The following LRRC4C variants were observed in gnomAD, a reference collection of about 807,000 sequenced individuals.
LRRC4C encodes the protein leucine rich repeat containing 4C, also known as leucine-rich repeat-containing protein 4C.
In LRRC4C, 5 loss-of-function variants were observed where a neutral mutation model predicts 33.6. The observed-to-expected ratio is 0.15, with a 90% CI of 0.08 to 0.31. The LOEUF (loss-of-function observed/expected upper bound fraction) is 0.31. LRRC4C is among the 10% of genes least tolerant of loss of function. The probability of loss-of-function intolerance (pLI) is 1.00; values close to 1 mark genes in which losing one functional copy is unlikely to be tolerated. For missense variants in LRRC4C, 560 were observed against 796.7 expected, an observed-to-expected ratio of 0.70 and a Z score of 3.58; for synonymous variants, 329 against 302.0, an observed-to-expected ratio of 1.09 and a Z score of -0.93.
At chr11:40,214,343 T>C (rs1410432436) in intron 5 of LRRC4C, among the ~76,000 whole-genome samples, 8 of 152,160 alleles carry the variant, frequency 5.3e-5, no homozygotes, top group Non-Finnish European at 7.3e-5. Context: ...CTGTCTTGTC[T>C]TGTCCCTACC....
chr11:41,131,954 AC>A (rs1283378378), intron 1 of LRRC4C, among the ~76,000 whole-genome samples: 1 of 152,028 alleles, frequency 6.6e-6, no homozygotes, highest in Non-Finnish European at 1.5e-5. Flanking sequence ...GAATAATCCA[AC>A]CCTTGTTTAG....
intron 1 of LRRC4C, among the ~76,000 whole-genome samples, chr11:41,106,464 T>G (rs1213609989): frequency 6.7e-6 from 1 of 150,354 alleles, no homozygotes; most frequent in East Asian, 2.0e-4. Context: ...AAAAAAAAAC[T>G]CAGAAGCTTA....
intron 3 of LRRC4C, among the ~76,000 whole-genome samples, chr11:40,621,729 C>A (rs1013398745): frequency 4.6e-5 from 7 of 151,696 alleles, no homozygotes; most frequent in Admixed American, 1.3e-4. Flanking sequence ...ATGGTATGTG[C>A]TCAATTAAAG....
chr11:40,694,884 A>G (rs1945410276), intron 2 of LRRC4C, among the ~76,000 whole-genome samples: 1 of 152,044 alleles, frequency 6.6e-6, no homozygotes, highest in East Asian at 1.9e-4. Context: ...ATTTTCTTTT[A>G]TCATCATCGT....
At chr11:40,379,962 T>A (rs1228965434) in intron 3 of LRRC4C, among the ~76,000 whole-genome samples, 9 of 152,148 alleles carry the variant, frequency 5.9e-5, no homozygotes, top group Admixed American at 5.9e-4. Context: ...ATGACTTTGA[T>A]GTGAACTGAA....
At chr11:41,161,626 G>A (rs146350801) in intron 1 of LRRC4C, among the ~76,000 whole-genome samples, 5 of 152,254 alleles carry the variant, frequency 3.3e-5, no homozygotes, top group Non-Finnish European at 7.3e-5. Context: ...AACAGTTACT[G>A]TTTACTGAAA....
intron 1 of LRRC4C, among the ~76,000 whole-genome samples, chr11:41,321,877 T>C (rs1358694348): frequency 6.6e-6 from 1 of 152,136 alleles, no homozygotes; most frequent in Non-Finnish European, 1.5e-5. Flanking sequence ...TTTCTTTTTT[T>C]TTTCCAGATG....
chr11:40,185,305 G>C (rs899199589), intron 5 of LRRC4C, among the ~76,000 whole-genome samples: 1 of 152,004 alleles, frequency 6.6e-6, no homozygotes, highest in Non-Finnish European at 1.5e-5. Context: ...CAGAATTACA[G>C]GGCTGAAAAC....
chr11:40,448,729 T>A (rs7946344), intron 3 of LRRC4C, among the ~76,000 whole-genome samples: 3 of 152,096 alleles, frequency 2.0e-5, no homozygotes, highest in African/African-American at 7.2e-5. Flanking sequence ...TGTGTCTTTA[T>A]AGTAGAATGA....
intron 2 of LRRC4C, among the ~76,000 whole-genome samples, chr11:40,773,029 G>C (rs960615959): frequency 6.6e-6 from 1 of 152,182 alleles, no homozygotes; most frequent in African/African-American, 2.4e-5. Context: ...ATAAAAAAGA[G>C]TGAGTTCCTG....
intron 6 of LRRC4C, among the ~76,000 whole-genome samples, chr11:40,125,476 A>G (rs946010169): frequency 1.1e-4 from 17 of 152,170 alleles, no homozygotes; most frequent in African/African-American, 4.1e-4. Flanking sequence ...AAAATAATAT[A>G]TTACAGTATA....
At chr11:40,483,129 T>C (rs571153899) in intron 3 of LRRC4C, among the ~76,000 whole-genome samples, 1 of 152,230 alleles carries the variant, frequency 6.6e-6, no homozygotes, top group South Asian at 2.1e-4. Context: ...GACCTTCATG[T>C]AGTCAAGGAA....
chr11:40,645,794 T>C (rs1014222571), intron 3 of LRRC4C, among the ~76,000 whole-genome samples: 2 of 152,114 alleles, frequency 1.3e-5, no homozygotes. Flanking sequence ...GTTTCTGGGG[T>C]ACAGCCCCAG....
intron 3 of LRRC4C, among the ~76,000 whole-genome samples, chr11:40,546,098 CT>C (rs1174501184): frequency 6.8e-6 from 1 of 148,028 alleles, no homozygotes; most frequent in African/African-American, 2.5e-5. Flanking sequence ...TCCTTCCTTC[CT>C]TCCTTCCTTC....
intron 1 of LRRC4C, among the ~76,000 whole-genome samples, chr11:41,034,639 G>T (rs2219672): frequency 1.7e-5 from 2 of 115,682 alleles, no homozygotes; most frequent in Non-Finnish European, 1.8e-5. Context: ...ATATATATAT[G>T]AGGTGAGAGT....
chr11:40,139,830 T>C (rs1857241023), intron 6 of LRRC4C, among the ~76,000 whole-genome samples: 1 of 152,178 alleles, frequency 6.6e-6, no homozygotes. Context: ...CCTTCCAAAA[T>C]AAACAACTAC....
chr11:40,634,720 T>TAATA (rs1555126136), intron 3 of LRRC4C, among the ~76,000 whole-genome samples: 4 of 145,846 alleles, frequency 2.7e-5, no homozygotes, highest in African/African-American at 1.0e-4. Flanking sequence ...AATAAGAAAA[T>TAATA]AAAAAAAAAA....
intron 3 of LRRC4C, among the ~76,000 whole-genome samples, chr11:40,558,927 AG>A (rs1957436009): frequency 6.6e-6 from 1 of 152,090 alleles, no homozygotes; most frequent in Non-Finnish European, 1.5e-5. Flanking sequence ...CTTATCATTT[AG>A]CTCCGACTTG....
chr11:40,635,088 A>G (rs1963837141), intron 3 of LRRC4C, among the ~76,000 whole-genome samples: 1 of 152,152 alleles, frequency 6.6e-6, no homozygotes, highest in Non-Finnish European at 1.5e-5. Context: ...GTCTTACAAA[A>G]AGATTCCCAA....
Sources: gnomAD v4.1 joint callset for allele counts (sites outside exome capture counted in the v4.1 genomes callset) on GRCh38, gnomAD v4.1.1 for gene constraint, MANE v1.5 for transcripts, NCBI Gene and HGNC (gene_info 2026-07-23, HGNC 2026-07-21) for gene names.